IL15: variants seen among roughly 807,000 people sequenced by gnomAD.
The protein encoded by IL15 is interleukin-15.
In IL15, 11 loss-of-function variants were observed where a neutral mutation model predicts 19.6. That is an observed-to-expected ratio of 0.56 (90% confidence interval 0.35 to 0.93). IL15 has a LOEUF of 0.93. Ranked by LOEUF, IL15 falls within the 40% of genes least tolerant of loss-of-function variation. The pLI, the probability that IL15 is intolerant of heterozygous loss-of-function variation, is 0.01. For synonymous variants in IL15, 58 were observed against 59.6 expected (o/e 0.97, Z 0.12); for missense variants, 197 against 186.5 (o/e 1.06, Z -0.33).
chr4:141,650,993 A>G (rs183295973), intron 1 of IL15, among the ~76,000 whole-genome samples: 80 of 152,138 alleles, frequency 5.3e-4, no homozygotes, highest in Middle Eastern at 3.4e-3. Flanking sequence ...CTCAATCTCA[A>G]TTTTACATGA....
chr4:141,730,580 A>T (rs1285379230), intron 7 of IL15, among the ~76,000 whole-genome samples: 2 of 152,170 alleles, frequency 1.3e-5, no homozygotes, highest in Admixed American at 1.3e-4. Flanking sequence ...ATGAGAAGAT[A>T]AATGCTTTAA....
chr4:141,639,969 A>G (rs1387500416), intron 1 of IL15, among the ~76,000 whole-genome samples: 4 of 152,028 alleles, frequency 2.6e-5, no homozygotes, highest in Non-Finnish European at 1.5e-5. Flanking sequence ...GTGTGCATAT[A>G]TGACTATATG....
intron 2 of IL15, among the ~76,000 whole-genome samples, chr4:141,660,683 A>C (rs748024132): frequency 6.6e-6 from 1 of 152,192 alleles, no homozygotes; most frequent in Admixed American, 6.5e-5. Context: ...TACATAAGTA[A>C]ACATTATTTT....
intron 2 of IL15, among the ~76,000 whole-genome samples, chr4:141,679,181 A>G (rs1728456397): frequency 6.6e-6 from 1 of 152,192 alleles, no homozygotes; most frequent in Admixed American, 6.5e-5. Flanking sequence ...AATTTGGGAC[A>G]AGTCACTAGA....
At chr4:141,667,554 T>A (rs571038034) in intron 2 of IL15, among the ~76,000 whole-genome samples, 1 of 152,274 alleles carries the variant, frequency 6.6e-6, no homozygotes, top group South Asian at 2.1e-4. Flanking sequence ...GTTTAATTCA[T>A]ACCTTTTTTT....
chr4:141,683,538 T>C (rs2152173661), intron 2 of IL15, among the ~76,000 whole-genome samples: 1 of 147,752 alleles, frequency 6.8e-6, no homozygotes, highest in African/African-American at 2.5e-5. Flanking sequence ...GCCACTGCAC[T>C]CCAGCCTGGG....
At chr4:141,653,071 G>A (rs1560902755) in intron 1 of IL15, among the ~76,000 whole-genome samples, 2 of 151,996 alleles carry the variant, frequency 1.3e-5, no homozygotes, top group Admixed American at 6.6e-5. Context: ...GTCAAAAAAT[G>A]GCTCTTATAA....
At chr4:141,726,580 C>G (rs1302022542) in intron 5 of IL15, among the ~76,000 whole-genome samples, 1 of 152,106 alleles carries the variant, frequency 6.6e-6, no homozygotes, top group Non-Finnish European at 1.5e-5. Context: ...TACAATCCAA[C>G]AATTGTGCTC....
chr4:141,648,495 A>G (rs924632346), intron 1 of IL15, among the ~76,000 whole-genome samples: 4 of 152,046 alleles, frequency 2.6e-5, no homozygotes, highest in South Asian at 2.1e-4. Context: ...CAGTAGGACA[A>G]AAAAGATGAG....
At chr4:141,701,075 T>C (rs1157983579) in intron 2 of IL15, among the ~76,000 whole-genome samples, 2 of 152,210 alleles carry the variant, frequency 1.3e-5, no homozygotes, top group Admixed American at 1.3e-4. Flanking sequence ...GGTATCTCCT[T>C]GACTAGCTGA....
chr4:141,717,662 CTT>C (rs1377678587), intron 2 of IL15: 30 of 141,418 alleles, frequency 2.1e-4, no homozygotes, highest in Admixed American at 2.1e-4. Flanking sequence ...TAAAATACTT[CTT>C]TTTTTTTTTT....
chr4:141,723,228 A>G (rs1231207603), intron 5 of IL15, among the ~76,000 whole-genome samples: 2 of 152,198 alleles, frequency 1.3e-5, no homozygotes, highest in African/African-American at 4.8e-5. Context: ...CAAATTTCAC[A>G]TCCTCTTGGA....
At chr4:141,658,946 G>A (rs1378234800) in intron 2 of IL15, among the ~76,000 whole-genome samples, 6 of 150,654 alleles carry the variant, frequency 4.0e-5, no homozygotes, top group East Asian at 2.0e-4. Context: ...TGCAAGCTCC[G>A]CCTCCCGGGT....
intron 5 of IL15, among the ~76,000 whole-genome samples, chr4:141,722,258 C>G (rs1730114374): frequency 6.6e-6 from 1 of 152,146 alleles, no homozygotes; most frequent in South Asian, 2.1e-4. Flanking sequence ...TTCTCTTCCT[C>G]TATCTGGAGA....
At chr4:141,720,667 A>G in intron 4 of IL15, 101 bp downstream of exon 4, 1 of 756,020 alleles carries the variant, frequency 1.3e-6, no homozygotes, top group South Asian at 1.5e-5. Context: ...GTTTGCTTAT[A>G]TCTCTAGGTA....
intron 2 of IL15, among the ~76,000 whole-genome samples, chr4:141,690,303 C>A (rs1413664379): frequency 6.6e-6 from 1 of 152,166 alleles, no homozygotes; most frequent in African/African-American, 2.4e-5. Flanking sequence ...GAAAGGGGCT[C>A]CCACAGTGCA....
chr4:141,657,720 T>C (rs947821102), intron 2 of IL15, among the ~76,000 whole-genome samples: 1 of 152,178 alleles, frequency 6.6e-6, no homozygotes, highest in Non-Finnish European at 1.5e-5. Context: ...CTGGAAGGTC[T>C]CCAGGGGCAG....
chr4:141,680,503 T>C (rs1017019894), intron 2 of IL15, among the ~76,000 whole-genome samples: 4 of 152,180 alleles, frequency 2.6e-5, no homozygotes, highest in African/African-American at 7.2e-5. Flanking sequence ...GATGGCTTTA[T>C]GTCTTGGCTA....
At chr4:141,637,589 T>C (rs1206512132) in intron 1 of IL15, among the ~76,000 whole-genome samples, 1 of 152,190 alleles carries the variant, frequency 6.6e-6, no homozygotes, top group Non-Finnish European at 1.5e-5. Flanking sequence ...AGACCGCATG[T>C]AGCAAGGGTA....
Sources: gnomAD v4.1 joint callset for allele counts (sites outside exome capture counted in the v4.1 genomes callset) on GRCh38, gnomAD v4.1.1 for gene constraint, MANE v1.5 for transcripts, NCBI Gene and HGNC (gene_info 2026-07-23, HGNC 2026-07-21) for gene names.